PRDM16: variants seen among roughly 807,000 people sequenced by gnomAD.
PRDM16 encodes PR/SET domain 16.
In PRDM16, 23 loss-of-function variants were observed where a neutral mutation model predicts 110.6. The ratio of observed to expected loss-of-function variants is 0.21; its 90% CI spans 0.15 to 0.29. The LOEUF is 0.29. PRDM16 is among the 10% of genes least tolerant of loss of function. The pLI is 1.00. For missense variants in PRDM16, 1,615 were observed against 1,794.3 expected (o/e 0.90, Z 1.81); for synonymous variants, 799 against 781.8 (o/e 1.02, Z -0.37).
intron 2 of PRDM16, among the ~76,000 whole-genome samples, chr1:3,192,230 C>T (rs915212280): frequency 2.0e-5 from 3 of 152,206 alleles, no homozygotes; most frequent in African/African-American, 7.2e-5. Context: ...GGATGGGGAT[C>T]ATCCGTGTCG....
chr1:3,284,666 C>G (rs1469436640), intron 3 of PRDM16, among the ~76,000 whole-genome samples: 1 of 152,218 alleles, frequency 6.6e-6, no homozygotes, highest in Non-Finnish European at 1.5e-5. Flanking sequence ...CAGATAGACT[C>G]TGTGGCCTTA....
intron 3 of PRDM16, among the ~76,000 whole-genome samples, chr1:3,311,524 T>A (rs996044309): frequency 6.6e-6 from 1 of 152,120 alleles, no homozygotes; most frequent in East Asian, 1.9e-4. Context: ...AGAGAAGAAA[T>A]GATGAAGAAT....
At chr1:3,406,431 G>A (rs978616057) in intron 8 of PRDM16, among the ~76,000 whole-genome samples, 8 of 152,106 alleles carry the variant, frequency 5.3e-5, no homozygotes, top group Admixed American at 4.6e-4. Context: ...AGGAGTGAGT[G>A]AGCGGAGTGA....
At chr1:3,415,364 C>G (rs999363019) in intron 10 of PRDM16, among the ~76,000 whole-genome samples, 5 of 152,272 alleles carry the variant, frequency 3.3e-5, no homozygotes, top group Admixed American at 6.5e-5. Flanking sequence ...TCCTGAGGGT[C>G]GCACAGTGGG....
At position 3,434,891 on chromosome 1, in the gene PRDM16, G is replaced by A. The variant is rs1044261199; in HGVS notation, c.*1080G>A. 1.3e-5 allele frequency: 3 copies of A among 231,824 alleles called. No homozygotes were observed. The highest frequency in any genetic ancestry group is 5.6e-5 in the Admixed American group (1 of 17,716). 14.4% of individuals were successfully genotyped at this position (231,824 alleles called of 1,614,324 possible). A position where few individuals can be genotyped will look rare whatever the true frequency, so the allele number is the denominator to read the frequency against. On this transcript the variant is annotated 3_prime_UTR_variant, in exon 17 of 17. Transcript: ENST00000270722. ...CTCCCACCTCCCACCTGACCCCAGC[G>A]GCTCCGGTGTCCTCCACGTGGCTGC... is the stretch of plus-strand genomic sequence containing the variant.
intron 2 of PRDM16, among the ~76,000 whole-genome samples, chr1:3,228,581 A>G (rs1032156856): frequency 3.9e-5 from 6 of 152,170 alleles, no homozygotes; most frequent in Non-Finnish European, 7.3e-5. Flanking sequence ...AGGGCTGTAT[A>G]GTCTCCCTGC....
rs1394675176 is a variant in PRDM16, at chr1:3,201,713, T to C, written c.387+15239T>C. Among the ~76,000 whole-genome samples, 1 of 152,236 alleles carries C rather than the reference T, an allele frequency of 6.6e-6. No homozygotes were observed. The highest frequency in any genetic ancestry group is 1.5e-5 in the Non-Finnish European group (1 of 68,034). On this transcript the variant is annotated intron_variant, in intron 2 of 16. Transcript: ENST00000270722. This position sits in a 1 kb window ranked among gnomAD's most constrained non-coding sequence, Gnocchi z 4.1. Reference sequence around the variant, plus strand: ...GCAGGGCAGGACCTCCCCGCTTGGATGCTGGTGACACATTCTTCAGCTGGA... The same window carrying C: ...GCAGGGCAGGACCTCCCCGCTTGGACGCTGGTGACACATTCTTCAGCTGGA...
chr1:3,256,586 T>C (rs972303490), intron 3 of PRDM16, among the ~76,000 whole-genome samples: 3 of 152,192 alleles, frequency 2.0e-5, no homozygotes, highest in East Asian at 1.9e-4. Flanking sequence ...CGGTCGGGCG[T>C]GGTGGCTCAT....
At chr1:3,171,441 C>T (rs1328736348) in intron 1 of PRDM16, among the ~76,000 whole-genome samples, 1 of 152,144 alleles carries the variant, frequency 6.6e-6, no homozygotes, top group Non-Finnish European at 1.5e-5. Context: ...CCTGCGAGGA[C>T]GCTGGCCTTG....
chr1:3,304,325 C>T (rs576192166), intron 3 of PRDM16, among the ~76,000 whole-genome samples: 1 of 152,344 alleles, frequency 6.6e-6, no homozygotes, highest in East Asian at 1.9e-4. Context: ...TTGGTCATAT[C>T]TGTGTGAGCA....
rs572821721 is a variant in PRDM16 at position 3,414,001 on chromosome 1, C to T, written c.2604-559C>T. On this transcript the variant is annotated intron_variant, in intron 9 of 16. Transcript: ENST00000270722. ...CTCCCCAGGACAGAAACCTGCTGGC[C>T]ACTCACGTTCATCAGCACACACGGG... 2.6e-5 allele frequency among the ~76,000 whole-genome samples: 4 copies of T among 152,268 alleles called. No individual in the cohort carries two copies. The South Asian group carries it at 8.3e-4, about 32-fold the overall frequency.
At chr1:3,407,091 G>T (rs895309002) in intron 8 of PRDM16, among the ~76,000 whole-genome samples, 1 of 152,216 alleles carries the variant, frequency 6.6e-6, no homozygotes, top group Non-Finnish European at 1.5e-5. Context: ...TCCAGGCTCC[G>T]TTGCATCAGC....
At chr1:3,421,455 A>G (rs1638428553) in intron 12 of PRDM16, among the ~76,000 whole-genome samples, 1 of 152,102 alleles carries the variant, frequency 6.6e-6, no homozygotes, top group Non-Finnish European at 1.5e-5. Context: ...GAGACCATCA[A>G]TTTCACTGGC....
intron 1 of PRDM16, among the ~76,000 whole-genome samples, chr1:3,132,117 A>G (rs1429425857): frequency 6.6e-6 from 1 of 152,084 alleles, no homozygotes; most frequent in East Asian, 1.9e-4. Context: ...GCACTTTTTA[A>G]AGGTTTAGAC....
At chr1:3,327,169 C>T (rs1227041672) in intron 3 of PRDM16, among the ~76,000 whole-genome samples, 1 of 152,248 alleles carries the variant, frequency 6.6e-6, no homozygotes, top group Non-Finnish European at 1.5e-5. Context: ...TGAATTGTCA[C>T]TTGGCAGGGC....
chr1:3,404,965 A>T, intron 7 of PRDM16, 79 bp downstream of exon 7: 2 of 1,483,958 alleles, frequency 1.3e-6, no homozygotes, highest in Admixed American at 2.2e-5. Context: ...TGCTCCCTAC[A>T]CCCCCTGGTC....
chr1:3,352,337 C>T (rs1324856599), intron 3 of PRDM16, among the ~76,000 whole-genome samples: 1 of 152,206 alleles, frequency 6.6e-6, no homozygotes, highest in African/African-American at 2.4e-5. Context: ...GAGTTGTGGT[C>T]CTGGCGGCTG....
At chr1:3,191,746 G>A (rs112240988) in intron 2 of PRDM16, among the ~76,000 whole-genome samples, 2,035 of 152,306 alleles carry the variant, frequency 0.013, 42 homozygotes, top group African/African-American at 0.046. Flanking sequence ...GATGACGATG[G>A]AGTGGGGTGA....
intron 5 of PRDM16, among the ~76,000 whole-genome samples, chr1:3,399,530 C>T (rs1017631304): frequency 2.6e-5 from 4 of 152,138 alleles, no homozygotes; most frequent in Admixed American, 6.5e-5. Flanking sequence ...GTCCTGTACC[C>T]GGCTCTGTCC....
Sources: allele counts gnomAD v4.1 joint callset (sites outside exome capture counted in the v4.1 genomes callset), GRCh38; gene constraint gnomAD v4.1.1; non-coding constraint Gnocchi (gnomAD v3.1); transcripts MANE v1.5; gene names NCBI Gene and HGNC (gene_info 2026-07-23, HGNC 2026-07-21).